DDX3X: variants seen among roughly 807,000 people sequenced by gnomAD.
DDX3X encodes the protein DEAD-box helicase 3 X-linked.
In DDX3X, 4 loss-of-function variants were observed where a neutral mutation model predicts 52.7. That is an observed-to-expected ratio of 0.08 (90% CI 0.04 to 0.17). DDX3X has a LOEUF of 0.17. Ranked by LOEUF, DDX3X falls within the 10% of genes least tolerant of loss-of-function variation. The pLI, the probability that DDX3X is intolerant of heterozygous loss-of-function variation, is 1.00. For synonymous variants in DDX3X, 192 were observed against 178.1 expected (o/e 1.08, Z -0.62); for missense variants, 222 against 548.6 (o/e 0.40, Z 5.95).
intron 5 of DDX3X, among the ~76,000 whole-genome samples, chrX:41,360,608 A>G (rs2064026145): frequency 1.9e-5 from 2 of 107,684 alleles, no homozygotes; most frequent in South Asian, 8.4e-4. Flanking sequence ...ACACTTAGCT[A>G]ATTTTTGTGT....
Position 41,349,922 on chromosome X carries a change from ATGTC to A in DDX3X, c.*2206_*2209del, listed in dbSNP as rs2063969425. On this transcript the variant is annotated 3_prime_UTR_variant, in exon 17 of 17. Coordinates refer to ENST00000644876, the MANE Select transcript of DDX3X (RefSeq NM_001356.5). ...TGTGTTTTTTTTTTTTTTTCAGTGA[ATGTC>A]TGGCACATTGCAATCCTCAAACATG... is the stretch of plus-strand genomic sequence containing the variant. 9.3e-6 allele frequency: 1 copy of A among 107,033 alleles called. No homozygotes were observed. The highest frequency in any genetic ancestry group is 1.9e-5 in the Non-Finnish European group (1 of 51,896). 8.8% of individuals were successfully genotyped at this position (107,033 alleles called of 1,213,427 possible). A position where few individuals can be genotyped will look rare whatever the true frequency, so the allele number is the denominator to read the frequency against.
At position 41,364,308 on chromosome X, in the gene DDX3X, G is replaced by T. The variant is rs772741072; in HGVS notation, c.*21G>T. The T allele has an allele frequency of 1.0e-5, 3 of 295,678 alleles. No homozygotes were observed. In the South Asian group the frequency reaches 6.2e-4, roughly 61 times the overall value. The allele number at this position is 295,678 out of a possible 1,213,427, so 24.4% of individuals were successfully genotyped here. ...CGTGATGCCCAGAAGTGTGTGAACT[G>T]GTCTGTGACCACAAAGATGAGAACC... On this transcript the variant is annotated 3_prime_UTR_variant, in exon 6 of 6. Transcript: ENST00000616050.
At chrX:41,362,869 C>T (rs1416894148) in intron 5 of DDX3X, among the ~76,000 whole-genome samples, 2 of 111,507 alleles carry the variant, frequency 1.8e-5, no homozygotes, top group Non-Finnish European at 3.8e-5. Context: ...ATGTAGCGCA[C>T]TCCAGGTAGA....
At chrX:41,346,774 ATAT>A (rs1297876361) in intron 14 of DDX3X, 82 bp from the exon 15 acceptor site, 10 of 1,001,290 alleles carry the variant, frequency 1.0e-5, no homozygotes, top group Non-Finnish European at 1.4e-5. Context: ...AATATTTTAA[ATAT>A]TTCTACGTAG....
chrX:41,351,390 G>C (rs920534099), downstream of DDX3X: 3 of 111,831 alleles, frequency 2.7e-5, no homozygotes, highest in African/African-American at 9.7e-5. Flanking sequence ...CTGGATTCTT[G>C]GCTGAATTTC....
chrX:41,346,851 T>G lies in DDX3X; in HGVS notation c.1616-8T>G, dbSNP rs770054248. ...TTTGTTTATATACTTTTTTGGGAAC[T>G]CTTTTAGGCCTGGCAACCTCATTCT... On this transcript the variant is annotated splice_region_variant and splice_polypyrimidine_tract_variant and intron_variant, in intron 14 of 16. Coordinates refer to ENST00000644876, the MANE Select transcript of DDX3X (RefSeq NM_001356.5). 4 of 1,191,961 alleles carry G rather than the reference T, an allele frequency of 3.4e-6. No individual in the cohort carries two copies. Among genetic ancestry groups the G allele is most frequent in the Non-Finnish European group, 4.5e-6 (4 of 885,691 alleles).
At position 41,347,910 on chromosome X, in the gene DDX3X, C is replaced by G. The variant is rs1347355771; in HGVS notation, c.*191C>G. On this transcript the variant is annotated 3_prime_UTR_variant, in exon 17 of 17. Coordinates refer to ENST00000644876, the MANE Select transcript of DDX3X (RefSeq NM_001356.5). ...GAAAGGAACAATCAGCAGCCCTGTT[C>G]AGAAGGTGGTTTGAAGACTTCATTG... The G allele has an allele frequency of 7.5e-6, 3 of 397,678 alleles. No individual in the cohort carries two copies. Among genetic ancestry groups the G allele is most frequent in the Admixed American group, 5.3e-5 (1 of 18,902 alleles). 32.8% of individuals were successfully genotyped at this position (397,678 alleles called of 1,213,427 possible).
At chrX:41,343,679 A>G (rs2063883646) in intron 7 of DDX3X, 58 bp from the exon 8 acceptor site, 2 of 1,040,749 alleles carry the variant, frequency 1.9e-6, no homozygotes, top group Admixed American at 2.3e-5. Flanking sequence ...AAACACTGTC[A>G]TCTACCAATG....
At chrX:41,358,959 A>G (rs1284353136) in intron 5 of DDX3X, among the ~76,000 whole-genome samples, 2 of 111,223 alleles carry the variant, frequency 1.8e-5, no homozygotes, top group African/African-American at 6.5e-5. Context: ...GGGTTTCACC[A>G]TGTTGGCCAG....
rs2063953330 is a variant in DDX3X at position 41,348,422 on chromosome X, A to G, written c.*703A>G. The G allele has an allele frequency of 8.9e-6, 1 of 112,979 alleles. No homozygotes were observed. Among genetic ancestry groups the G allele is most frequent in the Admixed American group, 9.5e-5 (1 of 10,582 alleles). 9.3% of individuals were successfully genotyped at this position (112,979 alleles called of 1,213,427 possible). A position where few individuals can be genotyped will look rare whatever the true frequency, so the allele number is the denominator to read the frequency against. The stretch of plus-strand genomic sequence containing the variant: ...TGAGGTGATGTATGAATACATGCAT[A>G]CATTCAAAGCACTGTTTTCAAAGTT... On this transcript the variant is annotated 3_prime_UTR_variant, in exon 17 of 17. Coordinates refer to ENST00000644876, the MANE Select transcript of DDX3X (RefSeq NM_001356.5).
chrX:41,334,621 TG>T, intron 1 of DDX3X: 10 of 1,078,826 alleles, frequency 9.3e-6, no homozygotes, highest in Non-Finnish European at 1.2e-5. Flanking sequence ...ATTAGTGACC[TG>T]GGGGGGTTTG....
chrX:41,359,688 G>C (rs1257262974), intron 5 of DDX3X, among the ~76,000 whole-genome samples: 1 of 106,153 alleles, frequency 9.4e-6, no homozygotes, highest in Non-Finnish European at 1.9e-5. Flanking sequence ...TTTTAAAAAA[G>C]TGGGCCAGGT....
chrX:41,363,622 A>G (rs1454225333), intron 5 of DDX3X, among the ~76,000 whole-genome samples: 1 of 109,992 alleles, frequency 9.1e-6, no homozygotes, highest in African/African-American at 3.3e-5. Context: ...CGTCTCTACT[A>G]AAAATTCAAA....
intron 5 of DDX3X, among the ~76,000 whole-genome samples, chrX:41,361,467 A>G (rs1409813783): frequency 5.4e-5 from 6 of 110,961 alleles, no homozygotes; most frequent in Non-Finnish European, 1.1e-4. Context: ...AGTTGAGATC[A>G]TGCCACTGCA....
At chrX:41,346,041 C>T (rs911012388) in intron 12 of DDX3X, among the ~76,000 whole-genome samples, 188 bp from the exon 13 acceptor site, 2 of 111,012 alleles carry the variant, frequency 1.8e-5, no homozygotes, top group African/African-American at 3.3e-5. Context: ...TAGTGAGACC[C>T]CCATCTCTTA....
chrX:41,343,000 C>T, intron 6 of DDX3X, 164 bp downstream of exon 6: 1 of 568,453 alleles, frequency 1.8e-6, no homozygotes, highest in Non-Finnish European at 2.8e-6. Flanking sequence ...TAATTTATTA[C>T]CTAAAATAGA....
chrX:41,336,597 C>T (rs1297000390), intron 1 of DDX3X: 1 of 111,417 alleles, frequency 9.0e-6, no homozygotes, highest in East Asian at 2.8e-4. Context: ...TGGCGAAACC[C>T]CATCTCTACT....
intron 1 of DDX3X, chrX:41,335,087 G>A (rs1180659359): frequency 9.1e-6 from 1 of 109,328 alleles, no homozygotes; most frequent in Admixed American, 9.7e-5. Flanking sequence ...GGGGCGGGGA[G>A]GGGAGGCAGG....
chrX:41,343,979 C>G (rs2063887969), intron 8 of DDX3X, 51 bp from the exon 9 acceptor site: 1 of 1,077,061 alleles, frequency 9.3e-7, no homozygotes, highest in African/African-American at 1.9e-5. Flanking sequence ...TTGTGATGAA[C>G]TTTTCAAACA....
Sources: allele counts gnomAD v4.1 joint callset (sites outside exome capture counted in the v4.1 genomes callset), GRCh38; gene constraint gnomAD v4.1.1; transcripts MANE v1.5; gene names NCBI Gene and HGNC (gene_info 2026-07-23, HGNC 2026-07-21).